ZNF804B: variants seen among roughly 807,000 people sequenced by gnomAD.
The protein encoded by ZNF804B is zinc finger 804B.
ZNF804B carries 80 observed loss-of-function variants against 101.4 expected under a neutral mutation model. The observed-to-expected ratio is 0.79, with a 90% CI of 0.66 to 0.95. The LOEUF is 0.95. Among genes scored for constraint, ZNF804B ranks in the 40% least tolerant of loss-of-function variants. The pLI, the probability that ZNF804B is intolerant of heterozygous loss-of-function variation, is 0.00. For synonymous variants in ZNF804B, 622 were observed against 558.8 expected (o/e 1.11, Z -1.59); for missense variants, 1,673 against 1,561.9 (o/e 1.07, Z -1.20).
intron 1 of ZNF804B, among the ~76,000 whole-genome samples, chr7:89,069,937 C>T (rs936433025): frequency 1.3e-5 from 2 of 152,080 alleles, no homozygotes; most frequent in African/African-American, 4.8e-5. Context: ...AGCAAGATGC[C>T]TGCTACAAAC....
At chr7:89,136,115 T>A in intron 1 of ZNF804B, among the ~76,000 whole-genome samples, 1 of 152,136 alleles carries the variant, frequency 6.6e-6, no homozygotes, top group Non-Finnish European at 1.5e-5. Flanking sequence ...ATTATTAGAA[T>A]TTATAAGATT....
In ZNF804B at chr7:88,914,046, T is replaced by C. The variant is rs373907284; in HGVS notation, c.108+153962T>C. The stretch of plus-strand genomic sequence containing the variant: ...AGTCTGGGGTCTGAGAGAAAGTCCT[T>C]CTGCCTCCTATTGAATGTGCCTACC... On this transcript the variant is annotated intron_variant, in intron 1 of 3. Coordinates refer to ENST00000333190, the MANE Select transcript of ZNF804B (RefSeq NM_181646.5). Among the ~76,000 whole-genome samples, 280 of 152,302 alleles carry C rather than the reference T, an allele frequency of 1.8e-3. 2 individuals are homozygous for C. Among genetic ancestry groups the C allele is most frequent in the African/African-American group, 6.4e-3 (266 of 41,568 alleles).
intron 1 of ZNF804B, among the ~76,000 whole-genome samples, chr7:88,911,965 T>C (rs1792556433): frequency 6.6e-6 from 1 of 151,938 alleles, no homozygotes; most frequent in Non-Finnish European, 1.5e-5. Flanking sequence ...TCCTGTGTAT[T>C]TCCAAGTAAT....
Position 89,209,206 on chromosome 7 carries a change from C to T in ZNF804B, c.109-8949C>T, listed in dbSNP as rs867309617. 3.3e-5 allele frequency among the ~76,000 whole-genome samples: 5 copies of T among 151,766 alleles called. No individual in the cohort carries two copies. The East Asian group carries it at 9.7e-4, about 29-fold the overall frequency. On this transcript the variant is annotated intron_variant, in intron 1 of 3. Transcript: ENST00000333190. ...CATTCTTTCCAAATTAGAAACAATG[C>T]TGAGTTGTCCCTAGGGAACGCCACC... is the stretch of plus-strand genomic sequence containing the variant.
At chr7:89,304,368 T>C (rs1790528617) in intron 2 of ZNF804B, among the ~76,000 whole-genome samples, 1 of 152,002 alleles carries the variant, frequency 6.6e-6, no homozygotes, top group South Asian at 2.1e-4. Flanking sequence ...TGAGTTCAAT[T>C]TCTCTCCCCT....
At chr7:88,826,266 A>T (rs1791049601) in intron 1 of ZNF804B, among the ~76,000 whole-genome samples, 1 of 152,142 alleles carries the variant, frequency 6.6e-6, no homozygotes, top group African/African-American at 2.4e-5. Context: ...AACATTTCAA[A>T]ACCTTTTAAC....
At chr7:88,911,012 G>T (rs1284233134) in intron 1 of ZNF804B, among the ~76,000 whole-genome samples, 1 of 151,992 alleles carries the variant, frequency 6.6e-6, no homozygotes, top group African/African-American at 2.4e-5. Context: ...AAATAAGAGG[G>T]TGGTCAAATA....
chr7:89,199,391 G>A (rs1333504774), intron 1 of ZNF804B, among the ~76,000 whole-genome samples: 3 of 151,806 alleles, frequency 2.0e-5, no homozygotes, highest in Non-Finnish European at 4.4e-5. Context: ...CTAATGTCAT[G>A]TTTTTATATT....
intron 1 of ZNF804B, among the ~76,000 whole-genome samples, chr7:88,924,573 G>T (rs186889705): frequency 2.0e-5 from 3 of 152,168 alleles, no homozygotes; most frequent in Non-Finnish European, 2.9e-5. Flanking sequence ...CAGCTACTCT[G>T]ATTTCCTGAC....
intron 1 of ZNF804B, among the ~76,000 whole-genome samples, chr7:89,096,153 TA>T (rs10717569): frequency 0.32 from 43,125 of 136,446 alleles, 7,066 homozygotes; most frequent in East Asian, 0.53. Context: ...AGACTCCATT[TA>T]AAAAAAAAAA....
intron 1 of ZNF804B, among the ~76,000 whole-genome samples, chr7:89,171,239 T>G (rs993466756): frequency 6.6e-6 from 1 of 152,176 alleles, no homozygotes; most frequent in Non-Finnish European, 1.5e-5. Flanking sequence ...ATTACCTTAT[T>G]TGTTCCTTGT....
At chr7:89,265,298 G>A (rs796886730) in intron 2 of ZNF804B, among the ~76,000 whole-genome samples, 15 of 84,292 alleles carry the variant, frequency 1.8e-4, no homozygotes, top group African/African-American at 2.5e-4. Flanking sequence ...GTGTGTGCGC[G>A]TGCGCGCGCG....
intron 1 of ZNF804B, among the ~76,000 whole-genome samples, chr7:88,837,579 CAG>C (rs1334669977): frequency 9.2e-5 from 14 of 151,828 alleles, no homozygotes; most frequent in African/African-American, 3.1e-4. Context: ...TATAATGTAA[CAG>C]GGCATAATAA....
intron 1 of ZNF804B, among the ~76,000 whole-genome samples, chr7:88,779,212 C>T (rs1790188902): frequency 6.6e-6 from 1 of 152,132 alleles, no homozygotes; most frequent in Non-Finnish European, 1.5e-5. Context: ...AGATTTTAGG[C>T]CCCCACACTA....
At chr7:88,854,529 T>TCCTTTCCTTTCCTTTCCTTTC (rs1562812904) in intron 1 of ZNF804B, among the ~76,000 whole-genome samples, 1 of 57,920 alleles carries the variant, frequency 1.7e-5, no homozygotes, top group African/African-American at 7.3e-5. Context: ...TTCCTTCCTT[T>TCCTTTCCTTTCCTTTCCTTTC]CCTTCCTTCC....
At chr7:88,898,366 G>A (rs1275379163) in intron 1 of ZNF804B, among the ~76,000 whole-genome samples, 2 of 151,946 alleles carry the variant, frequency 1.3e-5, no homozygotes, top group Non-Finnish European at 2.9e-5. Context: ...GATTACAGGC[G>A]TGAGCCACAG....
intron 1 of ZNF804B, among the ~76,000 whole-genome samples, chr7:89,027,819 G>A (rs1327056159): frequency 1.3e-5 from 2 of 152,172 alleles, no homozygotes; most frequent in Admixed American, 1.3e-4. Context: ...CTGGTCAGAT[G>A]AGTGTCCAGC....
At chr7:89,106,445 T>C (rs978818196) in intron 1 of ZNF804B, among the ~76,000 whole-genome samples, 10 of 152,116 alleles carry the variant, frequency 6.6e-5, no homozygotes, top group African/African-American at 1.4e-4. Flanking sequence ...CTGGGTGATA[T>C]AGTAATGAAT....
At chr7:88,824,033 A>G (rs1791021215) in intron 1 of ZNF804B, among the ~76,000 whole-genome samples, 1 of 152,150 alleles carries the variant, frequency 6.6e-6, no homozygotes, top group Non-Finnish European at 1.5e-5. Context: ...CTGACTTCAC[A>G]TGTACAATAG....
Sources: gnomAD v4.1 joint callset for allele counts (sites outside exome capture counted in the v4.1 genomes callset) on GRCh38, gnomAD v4.1.1 for gene constraint, MANE v1.5 for transcripts, NCBI Gene and HGNC (gene_info 2026-07-23, HGNC 2026-07-21) for gene names.